Variants in CDH18 observed in about 807,000 individuals in gnomAD.
CDH18 encodes cadherin-18.
A neutral mutation model predicts 67.9 loss-of-function variants in CDH18; 31 were observed. The ratio of observed to expected loss-of-function variants is 0.46; its 90% CI spans 0.34 to 0.62. The LOEUF (loss-of-function observed/expected upper bound fraction) is 0.62, where lower values mean the gene tolerates loss of function less well. Ranked by LOEUF, CDH18 falls within the 20% of genes least tolerant of loss-of-function variation. The pLI, the probability that CDH18 is intolerant of heterozygous loss-of-function variation, is 0.01. For synonymous variants in CDH18, 362 were observed against 347.2 expected (o/e 1.04, Z -0.48); for missense variants, 890 against 975.5 (o/e 0.91, Z 1.17).
chr5:20,126,278 G>C (rs183820556), intron 2 of CDH18, among the ~76,000 whole-genome samples: 4 of 152,268 alleles, frequency 2.6e-5, no homozygotes, highest in Admixed American at 2.6e-4. Context: ...AATGAAATTA[G>C]AATCTTTTCT....
chr5:19,763,742 C>T (rs928950672), intron 3 of CDH18, among the ~76,000 whole-genome samples: 79 of 151,874 alleles, frequency 5.2e-4, no homozygotes, highest in South Asian at 6.2e-4. Flanking sequence ...AGTTTAGAAG[C>T]CTGTAATACC....
chr5:19,735,549 C>T (rs1357837348), intron 4 of CDH18, among the ~76,000 whole-genome samples: 1 of 152,002 alleles, frequency 6.6e-6, no homozygotes, highest in African/African-American at 2.4e-5. Context: ...GCGCCCACCA[C>T]CACGCCCGGC....
At chr5:19,686,113 A>G (rs576269883) in intron 5 of CDH18, among the ~76,000 whole-genome samples, 21 of 152,278 alleles carry the variant, frequency 1.4e-4, no homozygotes, top group Middle Eastern at 3.4e-3. Context: ...TATGTATTTG[A>G]TATTATTGTT....
At chr5:20,184,600 G>A (rs1294994988) in intron 2 of CDH18, among the ~76,000 whole-genome samples, 9 of 152,052 alleles carry the variant, frequency 5.9e-5, no homozygotes, top group Non-Finnish European at 1.3e-4. Flanking sequence ...TCACACCACA[G>A]GGTGATTCTG....
chr5:19,593,696 TTCC>T (rs1436673465), intron 6 of CDH18, among the ~76,000 whole-genome samples: 3 of 16,826 alleles, frequency 1.8e-4, no homozygotes, highest in Non-Finnish European at 6.7e-4. Context: ...TCTCTTCCTC[TTCC>T]TCCTCCTCCT....
At chr5:20,456,326 T>A (rs1240592264) in intron 1 of CDH18, among the ~76,000 whole-genome samples, 2 of 152,138 alleles carry the variant, frequency 1.3e-5, no homozygotes, top group South Asian at 4.1e-4. Context: ...AGTAAGTTTA[T>A]TTAGTGGAAT....
intron 2 of CDH18, among the ~76,000 whole-genome samples, chr5:20,163,470 ATTC>A (rs1166189821): frequency 6.6e-6 from 1 of 152,188 alleles, no homozygotes; most frequent in African/African-American, 2.4e-5. Context: ...AAAATGGATT[ATTC>A]TTAACAGAAA....
chr5:20,409,395 TA>T (rs1423753069), intron 1 of CDH18, among the ~76,000 whole-genome samples: 1 of 151,694 alleles, frequency 6.6e-6, no homozygotes, highest in African/African-American at 2.4e-5. Context: ...ATGTGTAAAT[TA>T]AACAATATAC....
At chr5:19,615,721 C>G (rs1002537579) in intron 5 of CDH18, among the ~76,000 whole-genome samples, 2 of 152,134 alleles carry the variant, frequency 1.3e-5, no homozygotes, top group Non-Finnish European at 2.9e-5. Flanking sequence ...CCCCTGGCAA[C>G]CACGAATCTT....
chr5:19,473,827 A>G lies in CDH18; in HGVS notation c.1883-111T>C, dbSNP rs536770619. 46 of 903,094 alleles carry G rather than the reference A, an allele frequency of 5.1e-5. No homozygotes were observed. The Admixed American group carries it at 1.0e-3, about 20-fold the overall frequency. 55.9% of individuals were successfully genotyped at this position (903,094 alleles called of 1,614,324 possible). A position where few individuals can be genotyped will look rare whatever the true frequency, so the allele number is the denominator to read the frequency against. On this transcript the variant is annotated intron_variant, in intron 12 of 12. Coordinates refer to ENST00000382275, the MANE Select transcript of CDH18 (RefSeq NM_004934.5). ...CCATTCGTCATTAACCACATTCCAG[A>G]GTTAGGCTGGCATTGCAGCACAACT...
chr5:19,978,447 T>TTA lies in CDH18; in HGVS notation c.-257+2611_-257+2612dup, dbSNP rs1201511489. Among the ~76,000 whole-genome samples, 7 of 152,204 alleles carry TTA rather than the reference T, an allele frequency of 4.6e-5. No homozygotes were observed. The East Asian group carries it at 1.4e-3, about 29-fold the overall frequency. On this transcript the variant is annotated intron_variant, in intron 2 of 12. Coordinates refer to ENST00000382275, the MANE Select transcript of CDH18 (RefSeq NM_004934.5). ...TTGGAAAATTCACATGATGTGCTGT[T>TTA]TATATATATGCAGGAACTTCAGAAA...
At chr5:20,398,280 A>G (rs1745449810) in intron 1 of CDH18, among the ~76,000 whole-genome samples, 1 of 152,214 alleles carries the variant, frequency 6.6e-6, no homozygotes, top group Non-Finnish European at 1.5e-5. Flanking sequence ...GTAACAGCAT[A>G]GCCTTTCATT....
chr5:20,547,786 GAGTC>G (rs750756415), intron 1 of CDH18, among the ~76,000 whole-genome samples: 6 of 152,064 alleles, frequency 3.9e-5, no homozygotes, highest in African/African-American at 9.7e-5. Context: ...GACTGAAGCA[GAGTC>G]AGTAAGATTT....
chr5:19,526,396 A>T (rs1747758955), intron 9 of CDH18, among the ~76,000 whole-genome samples: 1 of 152,128 alleles, frequency 6.6e-6, no homozygotes, highest in Non-Finnish European at 1.5e-5. Context: ...ATTGCAGTGC[A>T]AGTGGAAGCT....
chr5:20,210,016 A>T (rs145646530), intron 2 of CDH18, among the ~76,000 whole-genome samples: 1,701 of 151,402 alleles, frequency 0.011, 33 homozygotes, highest in African/African-American at 0.038. Flanking sequence ...AATTAAAATA[A>T]TTTTTTCTCA....
At chr5:19,751,585 A>G (rs1770850281) in intron 3 of CDH18, among the ~76,000 whole-genome samples, 1 of 152,194 alleles carries the variant, frequency 6.6e-6, no homozygotes, top group South Asian at 2.1e-4. Context: ...TCCAGAATGT[A>G]TTACATTCTT....
At position 19,904,003 on chromosome 5, in the gene CDH18, G is replaced by A. The variant is rs73762048; in HGVS notation, c.-256-64761C>T. ...GAAATCAGACATCAGGCCAGGCGCA[G>A]TGGCTCACGCTTGAAATCCCAGCAC... On this transcript the variant is annotated intron_variant, in intron 2 of 12. Coordinates refer to ENST00000382275, the MANE Select transcript of CDH18 (RefSeq NM_004934.5). Among the ~76,000 whole-genome samples the A allele has an allele frequency of 2.2e-3, 334 of 152,136 alleles. 1 individual carries two copies. The highest frequency in any genetic ancestry group is 7.6e-3 in the African/African-American group (314 of 41,522).
At chr5:19,949,146 G>A (rs962123946) in intron 2 of CDH18, among the ~76,000 whole-genome samples, 10 of 151,964 alleles carry the variant, frequency 6.6e-5, no homozygotes, top group African/African-American at 1.7e-4. Context: ...TTTCTTCTCT[G>A]GGCGCAGAAA....
intron 2 of CDH18, among the ~76,000 whole-genome samples, chr5:19,841,391 C>G (rs927845167): frequency 3.9e-5 from 6 of 152,012 alleles, no homozygotes; most frequent in African/African-American, 1.4e-4. Context: ...AGTTTACTTA[C>G]TATATTAATT....
Sources: gnomAD v4.1 joint callset for allele counts (sites outside exome capture counted in the v4.1 genomes callset) on GRCh38, gnomAD v4.1.1 for gene constraint, MANE v1.5 for transcripts, NCBI Gene and HGNC (gene_info 2026-07-23, HGNC 2026-07-21) for gene names.